Variants in ADGRF4 observed in about 807,000 individuals in gnomAD.
ADGRF4 encodes the protein adhesion G protein-coupled receptor F4.
Under a neutral mutation model 58.5 loss-of-function variants are expected in ADGRF4, and 63 were observed. The ratio of observed to expected loss-of-function variants is 1.08; its 90% CI spans 0.88 to 1.33. The LOEUF is 1.33. ADGRF4 is among the 40% of genes most tolerant of loss of function. The pLI is 0.00. For synonymous variants in ADGRF4, 313 were observed against 295.4 expected, an observed-to-expected ratio of 1.06 and a Z score of -0.61; for missense variants, 931 against 843.9, an observed-to-expected ratio of 1.10 and a Z score of -1.28.
In ADGRF4 at chr6:47,714,151, G is replaced by C. The variant is rs776933106; in HGVS notation, c.906G>C (p.Leu302=). ...CTTTCCCAACCTTGGGGGCTATCCT[G>C]AGAGAAGCCCACTTGCAAAATGTGA... is the stretch of plus-strand genomic sequence containing the variant. ...SIAFPTLGAI[L]REAHLQNVSL... The change falls in exon 6 of 10, where the codon CTG becomes CTC. Residue 302 remains leucine (L), a synonymous_variant. Coordinates refer to ENST00000283303, the MANE Select transcript of ADGRF4 (RefSeq NM_153838.5). 6.2e-7 allele frequency: 1 copy of C among 1,613,932 alleles called. No homozygotes were observed. Among genetic ancestry groups the C allele is most frequent in the South Asian group, 1.1e-5 (1 of 91,012 alleles).
At chr6:47,705,760 G>T (rs1163516453) in intron 1 of ADGRF4, among the ~76,000 whole-genome samples, 1 of 152,160 alleles carries the variant, frequency 6.6e-6, no homozygotes, top group Non-Finnish European at 1.5e-5. Context: ...TATGAACCTA[G>T]TTGGATCAGG....
chr6:47,701,392 G>A (rs1771585270), intron 1 of ADGRF4, among the ~76,000 whole-genome samples: 1 of 152,148 alleles, frequency 6.6e-6, no homozygotes, highest in African/African-American at 2.4e-5. Context: ...CAGGTCCCAA[G>A]AAGCTGCGTT....
intron 1 of ADGRF4, among the ~76,000 whole-genome samples, chr6:47,699,432 A>T (rs1771534738): frequency 6.6e-6 from 1 of 152,230 alleles, no homozygotes. Flanking sequence ...CATGGACCAG[A>T]GGCAATTGCT....
intron 7 of ADGRF4, among the ~76,000 whole-genome samples, 193 bp from the exon 8 acceptor site, chr6:47,717,099 C>A (rs1772038809): frequency 6.6e-6 from 1 of 152,156 alleles, no homozygotes; most frequent in African/African-American, 2.4e-5. Flanking sequence ...CAATTTTAGT[C>A]CTAATACCAA....
chr6:47,712,345 T>C lies in ADGRF4; in HGVS notation c.301-12T>C. On this transcript the variant is annotated splice_polypyrimidine_tract_variant and intron_variant, in intron 4 of 9. Coordinates refer to ENST00000283303, the MANE Select transcript of ADGRF4 (RefSeq NM_153838.5). ...AATCATTTTTGAATGAAACTACATT[T>C]GTTTTAAACAGGACTCAACTGGTGC... The C allele has an allele frequency of 6.2e-7, 1 of 1,612,290 alleles. No individual in the cohort carries two copies. The highest frequency in any genetic ancestry group is 8.5e-7 in the Non-Finnish European group (1 of 1,178,720).
intron 6 of ADGRF4, among the ~76,000 whole-genome samples, chr6:47,716,345 C>T (rs763910225): frequency 2.6e-5 from 4 of 151,642 alleles, no homozygotes; most frequent in Non-Finnish European, 5.9e-5. Context: ...TTTTTTTCCA[C>T]CAGCTTAGAG....
intron 9 of ADGRF4, among the ~76,000 whole-genome samples, chr6:47,719,688 GAGA>G (rs1410320390): frequency 3.9e-5 from 6 of 152,174 alleles, no homozygotes; most frequent in South Asian, 2.1e-4. Context: ...AGCCTTTCAA[GAGA>G]AGAAGTGCGT....
Position 47,718,417 on chromosome 6 carries a change from C to A in ADGRF4, c.2063C>A (p.Ser688Tyr). The change falls in exon 9 of 10, where the codon TCT (serine) becomes TAT (tyrosine). Residue 688 changes from serine (S) to tyrosine (Y), a missense_variant. By Grantham distance (144) the Ser-to-Tyr change is moderately radical (BLOSUM62 -2). Coordinates refer to ENST00000283303, the MANE Select transcript of ADGRF4 (RefSeq NM_153838.5). ...ENASLGPTNG[S>Y]KLMNRQG ...GCATCACTAGGCCCAACCAATGGAT[C>A]TAAATTAATGAATCGTCAAGGATGA... is the stretch of plus-strand genomic sequence containing the variant. 6.3e-7 allele frequency: 1 copy of A among 1,580,006 alleles called. No individual in the cohort carries two copies. The highest frequency in any genetic ancestry group is 1.1e-5 in the South Asian group (1 of 90,308).
intron 2 of ADGRF4, 24 bp downstream of exon 2, chr6:47,707,362 G>A (rs1403236382): frequency 2.9e-6 from 4 of 1,374,434 alleles, no homozygotes; most frequent in Non-Finnish European, 3.1e-6. Context: ...ATTCCTATGT[G>A]ATCCGAGGAG....
rs141427390 is a variant in ADGRF4 at position 47,701,726 on chromosome 6, C to A, written c.-17+2932C>A. Reference sequence around the variant, plus strand: ...GCATTAGGTAGATGCCCAACAAATACATGTGTAGCCTAAGTCTGGATAGAT... The same window carrying A: ...GCATTAGGTAGATGCCCAACAAATAAATGTGTAGCCTAAGTCTGGATAGAT... On this transcript the variant is annotated intron_variant, in intron 1 of 9. Transcript: ENST00000283303. 2.6e-5 allele frequency among the ~76,000 whole-genome samples: 4 copies of A among 152,332 alleles called. No individual in the cohort carries two copies. The East Asian group carries it at 5.8e-4, about 22-fold the overall frequency.
intron 2 of ADGRF4, among the ~76,000 whole-genome samples, chr6:47,707,714 G>A (rs1771752215): frequency 6.6e-6 from 1 of 152,162 alleles, no homozygotes; most frequent in Non-Finnish European, 1.5e-5. Flanking sequence ...TCTATAAGAT[G>A]AAGTTTTTAA....
At chr6:47,707,104 GCTGCTTTGGCATGACTATCT>G in intron 1 of ADGRF4, 106 bp from the exon 2 acceptor site, 1 of 627,416 alleles carries the variant, frequency 1.6e-6, no homozygotes. Flanking sequence ...TCCAGGGCAG[GCTGCTTTGGCATGACTATCT>G]CAGAGTATCT....
intron 7 of ADGRF4, 53 bp downstream of exon 7, chr6:47,716,900 G>A (rs1344477991): frequency 2.3e-6 from 3 of 1,284,136 alleles, no homozygotes; most frequent in Non-Finnish European, 3.4e-6. Flanking sequence ...GCTGGGGGAA[G>A]CAGGAGGATG....
rs1277245780 is a variant in ADGRF4 at position 47,708,223 on chromosome 6, G to A, written c.94-1G>A. On this transcript the variant is annotated splice_acceptor_variant, in intron 2 of 9. Coordinates refer to ENST00000283303, the MANE Select transcript of ADGRF4 (RefSeq NM_153838.5). LOFTEE classifies it high-confidence loss of function. ...GACCATTGGGAATTTATATTTTTCA[G>A]GCTGGAGATAAACTTCAAAGCCCTG... 1.2e-6 allele frequency: 2 copies of A among 1,610,872 alleles called. No homozygotes were observed. Among genetic ancestry groups the A allele is most frequent in the Middle Eastern group, 1.6e-4 (1 of 6,076 alleles).
At chr6:47,702,691 A>G (rs1467432990) in intron 1 of ADGRF4, among the ~76,000 whole-genome samples, 1 of 152,186 alleles carries the variant, frequency 6.6e-6, no homozygotes, top group Non-Finnish European at 1.5e-5. Context: ...GTCTCTTCCC[A>G]ACAAAGTGTT....
chr6:47,709,639 T>A lies in ADGRF4; in HGVS notation c.149-1096T>A, dbSNP rs115046425. Among the ~76,000 whole-genome samples, 661 of 152,366 alleles carry A rather than the reference T, an allele frequency of 4.3e-3. 3 individuals carry two copies. Among genetic ancestry groups the A allele is most frequent in the African/African-American group, 0.014 (576 of 41,586 alleles). On this transcript the variant is annotated intron_variant, in intron 3 of 9. Transcript: ENST00000283303. ...ATTATTTGCAGATTCTATATTTGCA[T>A]ATTTGCCTAATGCTGAAATTTATTT...
intron 1 of ADGRF4, among the ~76,000 whole-genome samples, chr6:47,700,449 G>A (rs929825323): frequency 1.3e-5 from 2 of 152,174 alleles, no homozygotes; most frequent in African/African-American, 4.8e-5. Flanking sequence ...ATCTGCTCCA[G>A]GTACAAGCAA....
At chr6:47,707,597 G>A (rs1771748301) in intron 2 of ADGRF4, among the ~76,000 whole-genome samples, 1 of 152,218 alleles carries the variant, frequency 6.6e-6, no homozygotes, top group South Asian at 2.1e-4. Context: ...CTGCTGCTGA[G>A]AGAAGAAAGT....
At position 47,717,343 on chromosome 6, in the gene ADGRF4, G is replaced by A. The variant is rs1310936695; in HGVS notation, c.2026G>A (p.Ala676Thr). ...RMSSLKGKSR[A>T]AENASLGPTN... ...GTCTTCACTGAAGGGGAAATCGAGG[G>A]CAGCTGAGGTAAGCCTTCCCCTTTT... The change falls in exon 8 of 10, where the codon GCA becomes ACA. Residue 676 changes from alanine to threonine, a missense_variant. By Grantham distance (58) the Ala-to-Thr change is moderately conservative (BLOSUM62 0). Coordinates refer to ENST00000283303, the MANE Select transcript of ADGRF4 (RefSeq NM_153838.5). 4 of 1,609,960 alleles carry A rather than the reference G, an allele frequency of 2.5e-6. No homozygotes were observed. The highest frequency in any genetic ancestry group is 2.2e-5 in the East Asian group (1 of 44,844).
Sources: gnomAD v4.1 joint callset for allele counts (sites outside exome capture counted in the v4.1 genomes callset) on GRCh38, gnomAD v4.1.1 for gene constraint, MANE v1.5 for transcripts, NCBI Gene and HGNC (gene_info 2026-07-23, HGNC 2026-07-21) for gene names.